Variants in FOXP1 observed in about 807,000 individuals in gnomAD.
FOXP1 encodes forkhead box P1.
In FOXP1, 15 loss-of-function variants were observed where a neutral mutation model predicts 98.2. The observed-to-expected ratio is 0.15, with a 90% CI of 0.10 to 0.24. The LOEUF is 0.24. FOXP1 is among the 10% of genes least tolerant of loss of function. The pLI is 1.00. For missense variants in FOXP1, 633 were observed against 848.5 expected, an observed-to-expected ratio of 0.75 and a Z score of 3.15; for synonymous variants, 371 against 314.5, an observed-to-expected ratio of 1.18 and a Z score of -1.90.
intron 2 of FOXP1, among the ~76,000 whole-genome samples, chr3:71,564,103 T>C (rs1361941627): frequency 1.8e-4 from 28 of 152,310 alleles, no homozygotes; most frequent in Non-Finnish European, 1.5e-5. Context: ...AGCAAAACCG[T>C]ATTTTAGGAC....
intron 3 of FOXP1, among the ~76,000 whole-genome samples, chr3:71,431,039 T>C (rs749762898): frequency 6.6e-6 from 1 of 152,134 alleles, no homozygotes; most frequent in Non-Finnish European, 1.5e-5. Context: ...AGGTGCATGG[T>C]GGACAGAACC....
intron 5 of FOXP1, among the ~76,000 whole-genome samples, chr3:71,273,619 G>T (rs2070606925): frequency 6.6e-6 from 1 of 152,160 alleles, no homozygotes; most frequent in African/African-American, 2.4e-5. Context: ...TGATGACAAA[G>T]TCTGTCCTTG....
intron 6 of FOXP1, among the ~76,000 whole-genome samples, chr3:71,173,382 T>TTCACAC (rs1190119545): frequency 1.6e-5 from 1 of 64,034 alleles, no homozygotes; most frequent in Non-Finnish European, 3.3e-5. Context: ...AAAGAAAAAA[T>TTCACAC]TCACACACAC....
chr3:71,350,067 C>G (rs769663276), intron 4 of FOXP1, among the ~76,000 whole-genome samples: 2 of 152,252 alleles, frequency 1.3e-5, no homozygotes, highest in East Asian at 3.9e-4. Flanking sequence ...TATTAAGAAA[C>G]AGGAGATGGG....
rs373930466 is a variant in FOXP1, at chr3:71,317,850, A to C, written c.-72-17970T>G. 2.6e-5 allele frequency among the ~76,000 whole-genome samples: 4 copies of C among 152,018 alleles called. No individual in the cohort carries two copies. In the South Asian group the frequency reaches 8.4e-4, roughly 32 times the overall value. Reference sequence around the variant, plus strand: ...TAATACACAATGAAAAATAAATTTAAAGCAGCCTTCTGGTCTGACATAAGA... The same window carrying C: ...TAATACACAATGAAAAATAAATTTACAGCAGCCTTCTGGTCTGACATAAGA... On this transcript the variant is annotated intron_variant, in intron 4 of 20. Coordinates refer to ENST00000649528, the MANE Select transcript of FOXP1 (RefSeq NM_001349338.3).
chr3:70,970,383 G>A (rs1050650991), intron 19 of FOXP1: 9 of 309,002 alleles, frequency 2.9e-5, no homozygotes, highest in South Asian at 2.3e-4. Context: ...GTCATGTGAC[G>A]CAGTGGCCTA....
intron 3 of FOXP1, among the ~76,000 whole-genome samples, chr3:71,411,592 G>T (rs1387778735): frequency 6.6e-6 from 1 of 152,162 alleles, no homozygotes; most frequent in African/African-American, 2.4e-5. Context: ...AAAGTGCTAG[G>T]ATTACAGGCA....
intron 3 of FOXP1, among the ~76,000 whole-genome samples, chr3:71,490,178 G>A (rs879460547): frequency 6.6e-6 from 1 of 152,130 alleles, no homozygotes; most frequent in South Asian, 2.1e-4. Context: ...TGAGTCCTTT[G>A]AGCAAGCCTT....
intron 14 of FOXP1, among the ~76,000 whole-genome samples, chr3:70,982,908 T>G (rs548098375): frequency 2.1e-4 from 32 of 152,322 alleles, no homozygotes; most frequent in African/African-American, 7.2e-4. Context: ...AAGACAAACC[T>G]GAAACCCAAA....
chr3:71,478,136 T>C (rs2089998191), intron 3 of FOXP1, among the ~76,000 whole-genome samples: 1 of 152,158 alleles, frequency 6.6e-6, no homozygotes, highest in African/African-American at 2.4e-5. Context: ...AGATTCCACA[T>C]CTTCTTTTTT....
At chr3:71,391,547 G>T (rs1459208356) in intron 3 of FOXP1, among the ~76,000 whole-genome samples, 1 of 152,192 alleles carries the variant, frequency 6.6e-6, no homozygotes, top group Non-Finnish European at 1.5e-5. Context: ...TTTCGCTTGT[G>T]CGGGCCTCAA....
At chr3:71,434,639 T>TGTGTGC (rs2085052372) in intron 3 of FOXP1, among the ~76,000 whole-genome samples, 2 of 150,730 alleles carry the variant, frequency 1.3e-5, no homozygotes, top group Non-Finnish European at 3.0e-5. Context: ...GGGGTGTGTG[T>TGTGTGC]GTGTGTGTGT....
chr3:71,082,641 A>C (rs1329697001), intron 7 of FOXP1, among the ~76,000 whole-genome samples: 3 of 146,258 alleles, frequency 2.1e-5, no homozygotes, highest in African/African-American at 7.5e-5. Flanking sequence ...AAAAAAAAAG[A>C]AAACAACAAC....
intron 7 of FOXP1, among the ~76,000 whole-genome samples, chr3:71,091,688 C>T (rs2055864960): frequency 6.6e-6 from 1 of 152,102 alleles, no homozygotes; most frequent in Admixed American, 6.6e-5. Flanking sequence ...TTTTTCCTAA[C>T]CAGTTAACAT....
At chr3:71,189,521 C>A (rs1450014465) in intron 6 of FOXP1, among the ~76,000 whole-genome samples, 1 of 152,186 alleles carries the variant, frequency 6.6e-6, no homozygotes, top group Non-Finnish European at 1.5e-5. Context: ...ATAAGCCCAT[C>A]CTTTATTATA....
intron 3 of FOXP1, among the ~76,000 whole-genome samples, chr3:71,395,309 C>T (rs1197755238): frequency 6.7e-6 from 1 of 149,796 alleles, no homozygotes; most frequent in East Asian, 1.9e-4. Context: ...TCTGTAAGAT[C>T]AGGCCCCAAC....
intron 3 of FOXP1, among the ~76,000 whole-genome samples, chr3:71,427,558 G>A (rs971017184): frequency 1.3e-4 from 20 of 152,238 alleles, no homozygotes; most frequent in Non-Finnish European, 1.2e-4. Context: ...ACAAACACAC[G>A]TGATATGATT....
intron 2 of FOXP1, among the ~76,000 whole-genome samples, chr3:71,568,289 T>G (rs140773515): frequency 1.3e-5 from 2 of 152,166 alleles, no homozygotes; most frequent in Non-Finnish European, 2.9e-5. Flanking sequence ...AGCAATAGAG[T>G]ACACTTAGAT....
intron 5 of FOXP1, among the ~76,000 whole-genome samples, chr3:71,227,021 A>G (rs1055537122): frequency 6.6e-6 from 1 of 152,060 alleles, no homozygotes; most frequent in Non-Finnish European, 1.5e-5. Context: ...CTTCGTGGTA[A>G]TGGCGGTGCC....
Sources: allele counts gnomAD v4.1 joint callset (sites outside exome capture counted in the v4.1 genomes callset), GRCh38; gene constraint gnomAD v4.1.1; transcripts MANE v1.5; gene names NCBI Gene and HGNC (gene_info 2026-07-23, HGNC 2026-07-21).